The following ZNF548 variants were observed in gnomAD, a reference collection of about 807,000 sequenced individuals.
ZNF548 encodes zinc finger protein 548.
In ZNF548, 10 loss-of-function variants were observed where a neutral mutation model predicts 10.2. That is an observed-to-expected ratio of 0.98 (90% CI 0.60 to 1.66). ZNF548 has a LOEUF of 1.66. Among genes scored for constraint, ZNF548 ranks in the 40% most tolerant of loss-of-function variants. ZNF548 has a pLI of 0.00. For synonymous variants in ZNF548, 217 were observed against 223.5 expected (o/e 0.97, Z 0.26); for missense variants, 599 against 657.0 (o/e 0.91, Z 0.97).
intron 3 of ZNF548, among the ~76,000 whole-genome samples, chr19:57,397,983 A>G (rs1219379145): frequency 2.0e-5 from 3 of 152,106 alleles, no homozygotes; most frequent in Non-Finnish European, 4.4e-5. Context: ...CCCTTCAACC[A>G]TTCTTTTCCA....
At position 57,398,804 on chromosome 19, in the gene ZNF548, G is replaced by A; in HGVS notation, c.553G>A (p.Gly185Ser). ...PATSCLLQHQ[G>S]PQSEWKPYRD... ...CACCTCATGCCTTCTCCAGCACCAG[G>A]GCCCTCAAAGCGAGTGGAAGCCATA... is the stretch of plus-strand genomic sequence containing the variant. Residue 185 changes from glycine to serine, a missense_variant, in exon 4 of 4, where the codon GGC (glycine) becomes AGC (serine). Coordinates refer to ENST00000336128, the MANE Select transcript of ZNF548 (RefSeq NM_001172773.2). 6.2e-7 allele frequency: 1 copy of A among 1,613,978 alleles called. No individual in the cohort carries two copies. Among genetic ancestry groups the A allele is most frequent in the South Asian group, 1.1e-5 (1 of 91,084 alleles).
At position 57,402,730 on chromosome 19, in the gene ZNF548, G is replaced by A. The variant is rs1217646766; in HGVS notation, c.*2841G>A. 1 of 152,208 alleles carries A rather than the reference G, an allele frequency of 6.6e-6. No individual in the cohort carries two copies. Among genetic ancestry groups the A allele is most frequent in the East Asian group, 1.9e-4 (1 of 5,202 alleles). 9.4% of individuals were successfully genotyped at this position (152,208 alleles called of 1,614,324 possible). Reference sequence around the variant, plus strand: ...CTTGTTAACATGATAACTCAGTAGAGCAATGCTTTGGAGATTAGCTTTTTA... The same window carrying A: ...CTTGTTAACATGATAACTCAGTAGAACAATGCTTTGGAGATTAGCTTTTTA... On this transcript the variant is annotated 3_prime_UTR_variant, in exon 4 of 4. Transcript: ENST00000336128.
intron 1 of ZNF548, among the ~76,000 whole-genome samples, chr19:57,391,297 C>CTTT (rs35713836): frequency 7.1e-6 from 1 of 140,612 alleles, no homozygotes. Flanking sequence ...TAGTTTCATG[C>CTTT]TTTTTTTTTT....
intron 2 of ZNF548, chr19:57,396,784 C>G: frequency 4.8e-6 from 2 of 412,440 alleles, no homozygotes; most frequent in East Asian, 3.8e-5. Context: ...GATAGTTTGG[C>G]TAGTTTAAAT....
At position 57,398,767 on chromosome 19, in the gene ZNF548, G is replaced by A. The variant is rs1450022475; in HGVS notation, c.516G>A (p.Lys172=). The A allele has an allele frequency of 1.2e-6, 2 of 1,613,890 alleles. No homozygotes were observed. Among genetic ancestry groups the A allele is most frequent in the African/African-American group, 2.7e-5 (2 of 74,924 alleles). Residue 172 remains lysine, a synonymous_variant, in exon 4 of 4, where the codon AAG becomes AAA. Coordinates refer to ENST00000336128, the MANE Select transcript of ZNF548 (RefSeq NM_001172773.2). ...TCTTCACATGCATGGAGGGCTGGAA[G>A]GACTTACCAGCCACCTCATGCCTTC... The part of the protein sequence containing the change: ...EEIFTCMEGW[K]DLPATSCLLQ...
At chr19:57,392,551 G>A (rs1011808838) in intron 1 of ZNF548, among the ~76,000 whole-genome samples, 1 of 152,102 alleles carries the variant, frequency 6.6e-6, no homozygotes, top group Admixed American at 6.6e-5. Flanking sequence ...TGTCCTTTCC[G>A]TAGTGTGCAT....
chr19:57,396,884 G>T, intron 2 of ZNF548, 164 bp from the exon 3 acceptor site: 1 of 1,054,598 alleles, frequency 9.5e-7, no homozygotes, highest in Non-Finnish European at 1.4e-6. Context: ...TATTGGCTTG[G>T]TTTGAGAATA....
chr19:57,396,636 A>G (rs2088667322), intron 2 of ZNF548, among the ~76,000 whole-genome samples: 2 of 152,250 alleles, frequency 1.3e-5, no homozygotes, highest in African/African-American at 4.8e-5. Flanking sequence ...CAAGGGGGGT[A>G]CATACCACAT....
In ZNF548 at chr19:57,401,202, T is replaced by C. The variant is rs548494692; in HGVS notation, c.*1313T>C. Reference sequence around the variant, plus strand: ...TGTCCTTTGATGAAATTTTAAGTTTTGATGTACTGTTGACTCTTTCTGTCT... The same window carrying C: ...TGTCCTTTGATGAAATTTTAAGTTTCGATGTACTGTTGACTCTTTCTGTCT... On this transcript the variant is annotated 3_prime_UTR_variant, in exon 4 of 4. Transcript: ENST00000336128. 6.6e-6 allele frequency: 1 copy of C among 152,324 alleles called. No individual in the cohort carries two copies. The highest frequency in any genetic ancestry group is 6.5e-5 in the Admixed American group (1 of 15,288). 9.4% of individuals were successfully genotyped at this position (152,324 alleles called of 1,614,324 possible).
chr19:57,394,036 G>A (rs999935581), intron 1 of ZNF548, 152 bp from the exon 2 acceptor site: 2 of 791,228 alleles, frequency 2.5e-6, no homozygotes, highest in Non-Finnish European at 4.1e-6. Flanking sequence ...CTTTTCCATG[G>A]TCACAGAGCT....
intron 1 of ZNF548, among the ~76,000 whole-genome samples, chr19:57,391,647 G>T (rs1178409682): frequency 6.6e-6 from 1 of 152,010 alleles, no homozygotes; most frequent in Non-Finnish European, 1.5e-5. Flanking sequence ...ACATTTAAAT[G>T]ATAGCCATTC....
intron 3 of ZNF548, among the ~76,000 whole-genome samples, chr19:57,397,518 T>C (rs2088676052): frequency 6.6e-6 from 1 of 152,170 alleles, no homozygotes; most frequent in Non-Finnish European, 1.5e-5. Context: ...CTGATATTTC[T>C]TGGTGCCTTC....
chr19:57,396,274 C>T (rs1472399048), intron 2 of ZNF548, among the ~76,000 whole-genome samples: 1 of 152,182 alleles, frequency 6.6e-6, no homozygotes, highest in Non-Finnish European at 1.5e-5. Context: ...GAGGCAAGAT[C>T]TGGGTGACTC....
Position 57,395,292 on chromosome 19 carries a change from A to G in ZNF548, c.51+1069A>G, listed in dbSNP as rs2088656865. Among the ~76,000 whole-genome samples, 1 of 152,054 alleles carries G rather than the reference A, an allele frequency of 6.6e-6. No individual in the cohort carries two copies. Among genetic ancestry groups the G allele is most frequent in the Non-Finnish European group, 1.5e-5 (1 of 68,006 alleles). On this transcript the variant is annotated intron_variant, in intron 2 of 3. Coordinates refer to ENST00000336128, the MANE Select transcript of ZNF548 (RefSeq NM_001172773.2). This position sits in a 1 kb window ranked among gnomAD's most constrained non-coding sequence, Gnocchi z 4.8. ...GAGAAAGACTTCTGAAGGAGAGTGG[A>G]CATGATGGGGTTGCTGAGGGGGGAT...
chr19:57,397,407 T>C, intron 3 of ZNF548: 2 of 554,320 alleles, frequency 3.6e-6, no homozygotes, highest in South Asian at 1.2e-4. Context: ...GAGCCAGAAA[T>C]GTTGAATTTG....
At chr19:57,396,469 T>C (rs1011157310) in intron 2 of ZNF548, among the ~76,000 whole-genome samples, 2 of 152,114 alleles carry the variant, frequency 1.3e-5, no homozygotes, top group African/African-American at 4.8e-5. Flanking sequence ...GTGGAAGAGA[T>C]TGAGCAAGGA....
Position 57,394,177 on chromosome 19 carries a change from T to G in ZNF548, c.16-11T>G. On this transcript the variant is annotated splice_polypyrimidine_tract_variant and intron_variant, in intron 1 of 3. Transcript: ENST00000336128. ...GGCTGTCAATTTCTCACGGCCTTTC[T>G]CTTCCCTCAGGGTCCCCTGGCGATG... is the stretch of plus-strand genomic sequence containing the variant. 1 of 1,602,516 alleles carries G rather than the reference T, an allele frequency of 6.2e-7. No homozygotes were observed. The highest frequency in any genetic ancestry group is 1.1e-5 in the South Asian group (1 of 90,312).
intron 1 of ZNF548, among the ~76,000 whole-genome samples, chr19:57,391,571 A>G (rs1459444324): frequency 6.6e-6 from 1 of 152,090 alleles, no homozygotes; most frequent in Non-Finnish European, 1.5e-5. Context: ...ACTTATTTAC[A>G]TTCTCACCAA....
rs1376777414 is a variant in ZNF548, at chr19:57,401,259, A to G, written c.*1370A>G. ...TCTGTATTCATGGATCGAAGCAACC[A>G]TGGATCAAAAGTATTTGGAGCATCC... On this transcript the variant is annotated 3_prime_UTR_variant, in exon 4 of 4. Coordinates refer to ENST00000336128, the MANE Select transcript of ZNF548 (RefSeq NM_001172773.2). 2.0e-5 allele frequency: 3 copies of G among 152,212 alleles called. No individual in the cohort carries two copies. Among genetic ancestry groups the G allele is most frequent in the Admixed American group, 1.3e-4 (2 of 15,276 alleles). 9.4% of individuals were successfully genotyped at this position (152,212 alleles called of 1,614,324 possible).
Sources: allele counts gnomAD v4.1 joint callset (sites outside exome capture counted in the v4.1 genomes callset), GRCh38; gene constraint gnomAD v4.1.1; non-coding constraint Gnocchi (gnomAD v3.1); transcripts MANE v1.5; gene names NCBI Gene and HGNC (gene_info 2026-07-23, HGNC 2026-07-21).